WDR72: variants seen among roughly 807,000 people sequenced by gnomAD.
WDR72 encodes the protein WD repeat-containing protein 72.
A neutral mutation model predicts 124.2 loss-of-function variants in WDR72; 120 were observed. The ratio of observed to expected loss-of-function variants is 0.97; its 90% CI spans 0.83 to 1.12. WDR72 has a LOEUF of 1.12. Ranked by LOEUF, WDR72 falls within the 50% of genes most tolerant of loss-of-function variation. The probability of loss-of-function intolerance (pLI) is 0.00; values close to 1 mark genes in which losing one functional copy is unlikely to be tolerated. For synonymous variants in WDR72, 452 were observed against 441.7 expected (o/e 1.02, Z -0.29); for missense variants, 1,387 against 1,278.8 (o/e 1.08, Z -1.29).
intron 3 of WDR72, among the ~76,000 whole-genome samples, chr15:53,716,930 CA>C (rs2017729619): frequency 6.6e-6 from 1 of 152,166 alleles, no homozygotes; most frequent in South Asian, 2.1e-4. Flanking sequence ...TGGCCTACAA[CA>C]AATTGTGGGG....
At position 53,616,017 on chromosome 15, in the gene WDR72, CT is replaced by C; in HGVS notation, c.2188del (p.Ser730ValfsTer13). On this transcript the variant is annotated frameshift_variant, in exon 15 of 20. Transcript: ENST00000360509. LOFTEE classifies it high-confidence loss of function. ...VEKKTLTLRK[S>X]KTACGPLSAE... ...TGAAAGAGGACCACAGGCAGTTTTA[CT>C]TTTTCTCAGTGTCAGTGTCTTCTTC... is the stretch of plus-strand genomic sequence containing the variant. 9.3e-6 allele frequency: 15 copies of C among 1,613,292 alleles called. No individual in the cohort carries two copies. Among genetic ancestry groups the C allele is most frequent in the Non-Finnish European group, 1.3e-5 (15 of 1,179,580 alleles).
intron 18 of WDR72, among the ~76,000 whole-genome samples, chr15:53,568,407 G>C (rs1894380182): frequency 6.6e-6 from 1 of 151,828 alleles, no homozygotes; most frequent in Admixed American, 6.6e-5. Flanking sequence ...CTTTGTGACA[G>C]ACGCTATTTG....
Position 53,686,414 on chromosome 15 carries a change from G to C in WDR72, c.1765+13336C>G, listed in dbSNP as rs540098391. On this transcript the variant is annotated intron_variant, in intron 13 of 19. Coordinates refer to ENST00000360509, the MANE Select transcript of WDR72 (RefSeq NM_182758.4). Reference sequence around the variant, plus strand: ...AAAAAAGGCAGGGGTTGCAATCCTAGTCTCTGATAAAACAGACTTTAAACC... The same window carrying C: ...AAAAAAGGCAGGGGTTGCAATCCTACTCTCTGATAAAACAGACTTTAAACC... Among the ~76,000 whole-genome samples the C allele has an allele frequency of 9.3e-5, 14 of 150,050 alleles. No homozygotes were observed. The South Asian group carries it at 2.8e-3, about 30-fold the overall frequency.
intron 18 of WDR72, among the ~76,000 whole-genome samples, chr15:53,540,377 C>T (rs1411154668): frequency 6.6e-6 from 1 of 152,092 alleles, no homozygotes; most frequent in East Asian, 1.9e-4. Flanking sequence ...CTCCAACATT[C>T]CAGGAATGGA....
intron 18 of WDR72, among the ~76,000 whole-genome samples, chr15:53,536,249 T>A (rs143160686): frequency 1.1e-3 from 166 of 152,264 alleles, no homozygotes; most frequent in African/African-American, 4.0e-3. Flanking sequence ...TATGTCACCA[T>A]CCCAGTAGCG....
At chr15:53,719,222 G>A (rs1004155881) in intron 3 of WDR72, among the ~76,000 whole-genome samples, 3 of 152,114 alleles carry the variant, frequency 2.0e-5, no homozygotes, top group African/African-American at 7.2e-5. Flanking sequence ...TGCATTGGAA[G>A]TCTATTACAT....
At chr15:53,617,028 T>G (rs2013794670) in intron 14 of WDR72, among the ~76,000 whole-genome samples, 1 of 151,980 alleles carries the variant, frequency 6.6e-6, no homozygotes, top group South Asian at 2.1e-4. Flanking sequence ...AAACAATGCT[T>G]CTATACAGCA....
chr15:53,746,166 C>T (rs1188332086), intron 1 of WDR72, among the ~76,000 whole-genome samples: 1 of 152,182 alleles, frequency 6.6e-6, no homozygotes. Context: ...GCCATTACAG[C>T]TCCCATCCTC....
At position 53,517,607 on chromosome 15, in the gene WDR72, A is replaced by G; in HGVS notation, c.*92T>C. 1 of 1,369,444 alleles carries G rather than the reference A, an allele frequency of 7.3e-7. No homozygotes were observed. Among genetic ancestry groups the G allele is most frequent in the Non-Finnish European group, 1.0e-6 (1 of 958,670 alleles). 84.8% of individuals were successfully genotyped at this position (1,369,444 alleles called of 1,614,324 possible). On this transcript the variant is annotated 3_prime_UTR_variant, in exon 20 of 20. Coordinates refer to ENST00000360509, the MANE Select transcript of WDR72 (RefSeq NM_182758.4). ...CCACTACAGCCTAATAACTTGACCA[A>G]TAACAACAATGCTTTTATACAGTAA...
chr15:53,570,701 T>C (rs1894492135), intron 18 of WDR72, among the ~76,000 whole-genome samples: 1 of 151,936 alleles, frequency 6.6e-6, no homozygotes, highest in Admixed American at 6.6e-5. Context: ...AAAAATAGAA[T>C]TATCATTCGA....
intron 18 of WDR72, among the ~76,000 whole-genome samples, chr15:53,527,712 T>C (rs950146728): frequency 6.6e-6 from 1 of 152,046 alleles, no homozygotes; most frequent in East Asian, 1.9e-4. Context: ...AATAAACCAC[T>C]GCAGTACCAG....
At chr15:53,576,352 A>G (rs1442371460) in intron 18 of WDR72, among the ~76,000 whole-genome samples, 1 of 152,166 alleles carries the variant, frequency 6.6e-6, no homozygotes, top group Non-Finnish European at 1.5e-5. Context: ...TAAGATGAAC[A>G]TTCTGAAATT....
chr15:53,699,344 T>C (rs977039321), intron 13 of WDR72, among the ~76,000 whole-genome samples: 7 of 152,226 alleles, frequency 4.6e-5, no homozygotes, highest in African/African-American at 1.7e-4. Context: ...TTATAATTAA[T>C]TATATTCCAT....
chr15:53,714,181 C>CTGTGTGTGTGTGTGTG (rs147902451), intron 6 of WDR72, among the ~76,000 whole-genome samples: 15 of 150,334 alleles, frequency 1.0e-4, no homozygotes, highest in African/African-American at 2.2e-4. Flanking sequence ...TGTAATCTTT[C>CTGTGTGTGTGTGTGTG]TGTGTGTGTG....
intron 18 of WDR72, among the ~76,000 whole-genome samples, chr15:53,591,685 A>AACACAC (rs67873847): frequency 0.017 from 2,530 of 148,920 alleles, 26 homozygotes; most frequent in Non-Finnish European, 0.024. Context: ...CAACACACAC[A>AACACAC]ACACACACAC....
At chr15:53,640,011 T>C (rs192899167) in intron 14 of WDR72, among the ~76,000 whole-genome samples, 2 of 152,306 alleles carry the variant, frequency 1.3e-5, no homozygotes, top group Non-Finnish European at 2.9e-5. Flanking sequence ...TAGTAACTAT[T>C]CAATGCTGAA....
chr15:53,692,006 G>A (rs1023672990), intron 13 of WDR72, among the ~76,000 whole-genome samples: 3 of 152,164 alleles, frequency 2.0e-5, no homozygotes, highest in Non-Finnish European at 4.4e-5. Context: ...AAATAGAACA[G>A]TGAACCACAC....
intron 14 of WDR72, among the ~76,000 whole-genome samples, chr15:53,622,790 T>C (rs1335960730): frequency 1.3e-5 from 2 of 150,080 alleles, no homozygotes; most frequent in Non-Finnish European, 2.9e-5. Flanking sequence ...TAAACTAAAC[T>C]AAACTAAACT....
chr15:53,662,328 T>A (rs1302244529), intron 14 of WDR72, among the ~76,000 whole-genome samples: 3 of 152,218 alleles, frequency 2.0e-5, no homozygotes, highest in African/African-American at 4.8e-5. Flanking sequence ...ATTTTCAAAA[T>A]GTTTTGTTGT....
Sources: gnomAD v4.1 joint callset for allele counts (sites outside exome capture counted in the v4.1 genomes callset) on GRCh38, gnomAD v4.1.1 for gene constraint, MANE v1.5 for transcripts, NCBI Gene and HGNC (gene_info 2026-07-23, HGNC 2026-07-21) for gene names.